KMT5B: variants seen among roughly 807,000 people sequenced by gnomAD.
The protein encoded by KMT5B is histone-lysine N-methyltransferase KMT5B.
Under a neutral mutation model 83.2 loss-of-function variants are expected in KMT5B, and 10 were observed. That is an observed-to-expected ratio of 0.12 (90% CI 0.07 to 0.20). The LOEUF (loss-of-function observed/expected upper bound fraction) is 0.20, where lower values mean the gene tolerates loss of function less well. Ranked by LOEUF, KMT5B falls within the 10% of genes least tolerant of loss-of-function variation. KMT5B has a pLI of 1.00. For missense variants in KMT5B, 753 were observed against 1,067.2 expected, an observed-to-expected ratio of 0.71 and a Z score of 4.10; for synonymous variants, 349 against 388.8, an observed-to-expected ratio of 0.90 and a Z score of 1.20.
At chr11:68,212,297 C>T (rs1308999392) in intron 1 of KMT5B, among the ~76,000 whole-genome samples, 2 of 145,724 alleles carry the variant, frequency 1.4e-5, no homozygotes, top group African/African-American at 2.5e-5. Flanking sequence ...ATTCACCTGC[C>T]CTCTATTCTA....
rs747573126 is a variant in KMT5B, at chr11:68,157,695, T to C, written c.2651A>G (p.Asn884Ser). ...CAAGTTAAGACCAAGAGCTTAGGCA[T>C]TAAGCCTTAAAGACTGATCTTCTCT... Reference protein sequence around the residue: ...RRREDQSLRLNA With the variant: ...RRREDQSLRLSA Residue 884 changes from asparagine to serine, a missense_variant, in exon 11 of 11, where the codon AAT becomes AGT. Around this residue, in one of 9 missense-constraint regions of KMT5B, gnomAD observed 161 missense variants for 195.1 expected, o/e 0.83. Coordinates refer to ENST00000304363, the MANE Select transcript of KMT5B (RefSeq NM_017635.5). 2.6e-6 allele frequency: 4 copies of C among 1,561,130 alleles called. No homozygotes were observed. The highest frequency in any genetic ancestry group is 2.0e-5 in the Admixed American group (1 of 50,776).
At position 68,173,797 on chromosome 11, in the gene KMT5B, T is replaced by C. The variant is rs375495815; in HGVS notation, c.653+7A>G. The C allele has an allele frequency of 1.3e-6, 2 of 1,500,582 alleles. No individual in the cohort carries two copies. The highest frequency in any genetic ancestry group is 1.4e-5 in the African/African-American group (1 of 71,784). 93.0% of individuals were successfully genotyped at this position (1,500,582 alleles called of 1,614,324 possible). A position where few individuals can be genotyped will look rare whatever the true frequency, so the allele number is the denominator to read the frequency against. On this transcript the variant is annotated splice_region_variant and intron_variant, in intron 6 of 10. Transcript: ENST00000304363. The stretch of plus-strand genomic sequence containing the variant: ...AAATTAAAGGCTTATACTAGTAGAA[T>C]AGTTACCACTCTTTTGTTGCAACTA...
intron 1 of KMT5B, among the ~76,000 whole-genome samples, chr11:68,204,611 GTTTTTTTTTT>G (rs34315868): frequency 3.8e-5 from 4 of 106,150 alleles, no homozygotes; most frequent in East Asian, 3.1e-4. Flanking sequence ...TAAATTTCCG[GTTTTTTTTTT>G]TTTTTTTTTT....
chr11:68,178,095 C>T, intron 4 of KMT5B, among the ~76,000 whole-genome samples: 1 of 152,200 alleles, frequency 6.6e-6, no homozygotes, highest in Non-Finnish European at 1.5e-5. Flanking sequence ...CAATAGTTCA[C>T]TTTAAGCAAA....
In KMT5B at chr11:68,157,549, T is replaced by C; in HGVS notation, c.*139A>G. 1 of 1,269,130 alleles carries C rather than the reference T, an allele frequency of 7.9e-7. No individual in the cohort carries two copies. 78.6% of individuals were successfully genotyped at this position (1,269,130 alleles called of 1,614,324 possible). ...AGACTTAAGAATTGAGTCAGTATGCTGTACACTTTCTACAATAGTATGCTG... is the reference window on the plus strand; with the variant it reads ...AGACTTAAGAATTGAGTCAGTATGCCGTACACTTTCTACAATAGTATGCTG... On this transcript the variant is annotated 3_prime_UTR_variant, in exon 11 of 11. Transcript: ENST00000304363.
chr11:68,165,861 T>A (rs908855150), intron 10 of KMT5B: 3 of 1,612,884 alleles, frequency 1.9e-6, no homozygotes, highest in Admixed American at 3.3e-5. Flanking sequence ...ATGCTTGGAC[T>A]CTGACTCCCA....
Position 68,194,928 on chromosome 11 carries a change from C to T in KMT5B, c.-76-4776G>A, listed in dbSNP as rs180989290. Among the ~76,000 whole-genome samples the T allele has an allele frequency of 5.3e-5, 8 of 152,208 alleles. No individual in the cohort carries two copies. The East Asian group carries it at 1.5e-3, about 29-fold the overall frequency. On this transcript the variant is annotated intron_variant, in intron 1 of 10. Transcript: ENST00000304363. ...GGTGGCTTATGCCTATAATCCTAGC[C>T]CTCTGGGAGACCAAGGCAAGAGGAC...
At position 68,171,755 on chromosome 11, in the gene KMT5B, T is replaced by C; in HGVS notation, c.654-46A>G. The stretch of plus-strand genomic sequence containing the variant: ...GTTAAAAATTACTAGTAATTAAATA[T>C]AGTAAGGCTTCTTTTAATAAAATAA... On this transcript the variant is annotated intron_variant, in intron 6 of 10. Transcript: ENST00000304363. This position sits in a 1 kb window ranked among gnomAD's most constrained non-coding sequence, Gnocchi z 5.1. 1 of 1,384,188 alleles carries C rather than the reference T, an allele frequency of 7.2e-7. No individual in the cohort carries two copies. The highest frequency in any genetic ancestry group is 1.0e-6 in the Non-Finnish European group (1 of 992,684). The allele number at this position is 1,384,188 out of a possible 1,614,324, so 85.7% of individuals were successfully genotyped here. A position where few individuals can be genotyped will look rare whatever the true frequency, so the allele number is the denominator to read the frequency against.
In KMT5B at chr11:68,174,020, T is replaced by C. The variant is rs1008870790; in HGVS notation, c.544-107A>G. 2.3e-4 allele frequency: 179 copies of C among 789,350 alleles called. 1 individual carries two copies. Among genetic ancestry groups the C allele is most frequent in the Non-Finnish European group, 3.4e-4 (157 of 463,718 alleles). 48.9% of individuals were successfully genotyped at this position (789,350 alleles called of 1,614,324 possible). A position where few individuals can be genotyped will look rare whatever the true frequency, so the allele number is the denominator to read the frequency against. ...CCGCAATGATGAAAAAAATGTAAGATCTAGCCTGAGCAACATAGCGAGACC... is the reference window on the plus strand; with the variant it reads ...CCGCAATGATGAAAAAAATGTAAGACCTAGCCTGAGCAACATAGCGAGACC... On this transcript the variant is annotated intron_variant, in intron 5 of 10. Coordinates refer to ENST00000304363, the MANE Select transcript of KMT5B (RefSeq NM_017635.5).
chr11:68,172,304 C>G (rs1365162100), intron 6 of KMT5B, among the ~76,000 whole-genome samples: 1 of 152,156 alleles, frequency 6.6e-6, no homozygotes, highest in Non-Finnish European at 1.5e-5. Context: ...GTGATCTCAG[C>G]TCACTGCAAC....
Position 68,158,267 on chromosome 11 carries a change from T to G in KMT5B, c.2079A>C (p.Lys693Asn), listed in dbSNP as rs201466000. ...TTGTGATTCGCCTCTTCTTTTTACT[T>G]TTTGCAGTTCTAAAGCTGTCTTTTG... ...FKTKDSFRTA[K>N]SKKKRRITRY... The change falls in exon 11 of 11, where the codon AAA (lysine) becomes AAC (asparagine). Residue 693 changes from lysine (K) to asparagine (N), a missense_variant. Around this residue, in one of 9 missense-constraint regions of KMT5B, gnomAD observed 397 missense variants for 395.9 expected, o/e 1.00. Coordinates refer to ENST00000304363, the MANE Select transcript of KMT5B (RefSeq NM_017635.5). The G allele has an allele frequency of 1.2e-5, 20 of 1,614,028 alleles. No homozygotes were observed. The highest frequency in any genetic ancestry group is 1.5e-5 in the Non-Finnish European group (18 of 1,180,032).
chr11:68,178,075 A>C (rs1351376910), intron 4 of KMT5B, among the ~76,000 whole-genome samples: 1 of 152,244 alleles, frequency 6.6e-6, no homozygotes, highest in Non-Finnish European at 1.5e-5. Context: ...TTGTGTGGCA[A>C]TCAGAAAAGC....
intron 6 of KMT5B, among the ~76,000 whole-genome samples, chr11:68,172,228 A>ATTTAT (rs556266998): frequency 1.2e-4 from 19 of 152,156 alleles, no homozygotes; most frequent in African/African-American, 4.1e-4. Context: ...TACTTTAACA[A>ATTTAT]TTTATTTTAT....
chr11:68,157,566 A>G lies in KMT5B; in HGVS notation c.*122T>C. ...CAGTATGCTGTACACTTTCTACAAT[A>G]GTATGCTGATAAGTGAAGGGACAAT... On this transcript the variant is annotated 3_prime_UTR_variant, in exon 11 of 11. Coordinates refer to ENST00000304363, the MANE Select transcript of KMT5B (RefSeq NM_017635.5). 1 of 1,379,624 alleles carries G rather than the reference A, an allele frequency of 7.2e-7. No homozygotes were observed. Among genetic ancestry groups the G allele is most frequent in the Non-Finnish European group, 9.5e-7 (1 of 1,052,060 alleles). The allele number at this position is 1,379,624 out of a possible 1,614,324, so 85.5% of individuals were successfully genotyped here.
intron 1 of KMT5B, among the ~76,000 whole-genome samples, chr11:68,197,692 T>C (rs1858889703): frequency 2.0e-5 from 3 of 152,192 alleles, no homozygotes; most frequent in South Asian, 4.1e-4. Flanking sequence ...GATCAACTGA[T>C]ATTATTTGAA....
chr11:68,187,924 T>TAA (rs1857590458), intron 2 of KMT5B, among the ~76,000 whole-genome samples: 1 of 152,300 alleles, frequency 6.6e-6, no homozygotes, highest in East Asian at 1.9e-4. Context: ...ACATTCAATG[T>TAA]AAGGCTATGT....
intron 3 of KMT5B, 137 bp from the exon 4 acceptor site, chr11:68,180,337 C>A: frequency 2.5e-6 from 3 of 1,191,808 alleles, no homozygotes; most frequent in East Asian, 5.2e-5. Flanking sequence ...CTTTAAGATA[C>A]CACAGGTGGG....
intron 6 of KMT5B, among the ~76,000 whole-genome samples, chr11:68,173,222 G>C (rs1390900029): frequency 6.6e-6 from 1 of 152,086 alleles, no homozygotes; most frequent in African/African-American, 2.4e-5. Context: ...TGTATTTTTA[G>C]TAGAGATGGG....
upstream of KMT5B, chr11:68,213,632 C>G (rs1861297394): frequency 6.5e-6 from 1 of 153,800 alleles, no homozygotes; most frequent in East Asian, 1.9e-4. Context: ...CGCGTCGCCG[C>G]CCCCGGTGAG....
Sources: allele counts gnomAD v4.1 joint callset (sites outside exome capture counted in the v4.1 genomes callset), GRCh38; gene constraint gnomAD v4.1.1; regional missense constraint gnomAD v4.1.1; non-coding constraint Gnocchi (gnomAD v3.1); transcripts MANE v1.5; gene names NCBI Gene and HGNC (gene_info 2026-07-23, HGNC 2026-07-21).